Variants in KIF7 observed in about 807,000 individuals in gnomAD.
KIF7 encodes kinesin-like protein KIF7.
KIF7 carries 104 observed loss-of-function variants against 135.7 expected under a neutral mutation model. The ratio of observed to expected loss-of-function variants is 0.77; its 90% CI spans 0.65 to 0.90. The LOEUF (loss-of-function observed/expected upper bound fraction) is 0.90, where lower values mean the gene tolerates loss of function less well. Ranked by LOEUF, KIF7 falls within the 40% of genes least tolerant of loss-of-function variation. The pLI, the probability that KIF7 is intolerant of heterozygous loss-of-function variation, is 0.00. For synonymous variants in KIF7, 883 were observed against 809.4 expected (o/e 1.09, Z -1.54); for missense variants, 2,005 against 1,839.1 (o/e 1.09, Z -1.65).
At chr15:89,654,570 T>A (rs1289242034) in intron 1 of KIF7, among the ~76,000 whole-genome samples, 2 of 152,184 alleles carry the variant, frequency 1.3e-5, no homozygotes, top group African/African-American at 4.8e-5. Flanking sequence ...CACCCGCCCG[T>A]GACCACTCCA....
At chr15:89,625,416 G>C (rs140041349), downstream of KIF7, 81 of 1,613,850 alleles carry the variant, frequency 5.0e-5, no homozygotes, top group Non-Finnish European at 6.6e-5. Flanking sequence ...CTTCCGGGAG[G>C]GGCGAGGTCG....
At chr15:89,630,895 C>T in intron 15 of KIF7, 1 of 356,528 alleles carries the variant, frequency 2.8e-6, no homozygotes, top group East Asian at 7.1e-5. Flanking sequence ...AGAATATACT[C>T]ACACAAACCT....
chr15:89,628,626 C>T lies in KIF7; in HGVS notation c.3825G>A (p.Leu1275=), dbSNP rs1321479938. 6.2e-7 allele frequency: 1 copy of T among 1,613,184 alleles called. No individual in the cohort carries two copies. The highest frequency in any genetic ancestry group is 2.2e-5 in the East Asian group (1 of 44,866). The change falls in exon 19 of 19, where the codon TTG becomes TTA. Residue 1275 remains leucine, a synonymous_variant. Transcript: ENST00000394412. ...TRDLVHAPLP[L]TWKRSSLCGE... ...CACACAGGCTCGAGCGTTTCCAGGT[C>T]AAGGGTAACGGAGCGTGGACCAAGT...
Position 89,632,964 on chromosome 15 carries a change from C to T in KIF7, c.2751G>A (p.Gln917=), listed in dbSNP as rs777302046. 6.7e-7 allele frequency: 1 copy of T among 1,496,366 alleles called. No individual in the cohort carries two copies. Among genetic ancestry groups the T allele is most frequent in the East Asian group, 2.8e-5 (1 of 35,158 alleles). The allele number at this position is 1,496,366 out of a possible 1,614,324, so 92.7% of individuals were successfully genotyped here. The part of the protein sequence containing the change: ...KIEEQKKWLD[Q]EMEKVLQQRR... ...GCTGCTGTAGCACCTTCTCCATCTCCTGGTCCAGCCACTTCTTCTGCTCCT... is the reference window on the plus strand; with the variant it reads ...GCTGCTGTAGCACCTTCTCCATCTCTTGGTCCAGCCACTTCTTCTGCTCCT... The change falls in exon 14 of 19, where the codon CAG becomes CAA. Residue 917 remains glutamine (Q), a synonymous_variant. Coordinates refer to ENST00000394412, the MANE Select transcript of KIF7 (RefSeq NM_198525.3).
chr15:89,644,412 C>T (rs1451089053), intron 10 of KIF7, among the ~76,000 whole-genome samples: 6 of 152,138 alleles, frequency 3.9e-5, no homozygotes, highest in Middle Eastern at 3.4e-3. Flanking sequence ...TGGTGGCTCA[C>T]GCCTGTAATC....
Position 89,632,932 on chromosome 15 carries a change from G to C in KIF7, c.2783C>G (p.Ala928Gly), listed in dbSNP as rs764218371. The C allele has an allele frequency of 1.3e-6, 2 of 1,554,662 alleles. No individual in the cohort carries two copies. Among genetic ancestry groups the C allele is most frequent in the Non-Finnish European group, 1.7e-6 (2 of 1,145,894 alleles). Residue 928 changes from alanine (A) to glycine (G), a missense_variant, in exon 14 of 19, where the codon GCG becomes GGG. Coordinates refer to ENST00000394412, the MANE Select transcript of KIF7 (RefSeq NM_198525.3). ...GAGCTCCTCCCCCAGCTCCTCCAGCGCCCGCCGCTGCTGTAGCACCTTCTC... is the reference window on the plus strand; with the variant it reads ...GAGCTCCTCCCCCAGCTCCTCCAGCCCCCGCCGCTGCTGTAGCACCTTCTC... ...EMEKVLQQRR[A>G]LEELGEELHK...
chr15:89,641,182 A>G (rs948651188), intron 11 of KIF7, among the ~76,000 whole-genome samples: 1 of 152,026 alleles, frequency 6.6e-6, no homozygotes, highest in Non-Finnish European at 1.5e-5. Flanking sequence ...CTAATCCAGT[A>G]TGACCAGGGT....
chr15:89,643,660 G>A (rs1963961013), intron 10 of KIF7, among the ~76,000 whole-genome samples: 1 of 152,226 alleles, frequency 6.6e-6, no homozygotes, highest in Non-Finnish European at 1.5e-5. Flanking sequence ...GCTGAGGTGA[G>A]CGGATCACGA....
Position 89,632,967 on chromosome 15 carries a change from G to C in KIF7, c.2748C>G (p.Asp916Glu), listed in dbSNP as rs746321431. Residue 916 changes from aspartate (D) to glutamate (E), a missense_variant, in exon 14 of 19, where the codon GAC becomes GAG. Transcript: ENST00000394412. ...GCTGTAGCACCTTCTCCATCTCCTG[G>C]TCCAGCCACTTCTTCTGCTCCTCAA... is the stretch of plus-strand genomic sequence containing the variant. ...QKIEEQKKWL[D>E]QEMEKVLQQR... 1 of 1,493,260 alleles carries C rather than the reference G, an allele frequency of 6.7e-7. No homozygotes were observed. Among genetic ancestry groups the C allele is most frequent in the East Asian group, 2.5e-5 (1 of 39,728 alleles). 92.5% of individuals were successfully genotyped at this position (1,493,260 alleles called of 1,614,324 possible).
intron 14 of KIF7, 108 bp from the exon 15 acceptor site, chr15:89,631,818 C>A: frequency 1.1e-6 from 1 of 935,798 alleles, no homozygotes; most frequent in Non-Finnish European, 1.6e-6. Context: ...CTCAAGAAAC[C>A]AACACTCCAA....
chr15:89,648,952 T>TA lies in KIF7; in HGVS notation c.923+21dup, dbSNP rs1567067635. On this transcript the variant is annotated intron_variant, in intron 4 of 18. Coordinates refer to ENST00000394412, the MANE Select transcript of KIF7 (RefSeq NM_198525.3). ...CCGCCTCCCCGGCCCCCAGGCCACA[T>TA]AGGAGCCAGGGGGCAGCTCACCGGG... 8 of 1,518,290 alleles carry TA rather than the reference T, an allele frequency of 5.3e-6. No homozygotes were observed. The South Asian group carries it at 7.4e-5, about 14-fold the overall frequency. The allele number at this position is 1,518,290 out of a possible 1,614,324, so 94.1% of individuals were successfully genotyped here.
rs557879251 is a variant in KIF7, at chr15:89,628,139, C to T, written c.*280G>A. On this transcript the variant is annotated 3_prime_UTR_variant, in exon 19 of 19. Coordinates refer to ENST00000394412, the MANE Select transcript of KIF7 (RefSeq NM_198525.3). ...GAACTACAAGCACATCCATTTACGCCTGAAACCAGAATTGTCCTGAGATTC... is the reference window on the plus strand; with the variant it reads ...GAACTACAAGCACATCCATTTACGCTTGAAACCAGAATTGTCCTGAGATTC... 1 of 402,978 alleles carries T rather than the reference C, an allele frequency of 2.5e-6. No homozygotes were observed. Among genetic ancestry groups the T allele is most frequent in the East Asian group, 3.9e-5 (1 of 25,474 alleles). 25.0% of individuals were successfully genotyped at this position (402,978 alleles called of 1,614,324 possible).
At chr15:89,657,548 T>C (rs1287188046), upstream of KIF7, among the ~76,000 whole-genome samples, 6 of 152,218 alleles carry the variant, frequency 3.9e-5, no homozygotes, top group South Asian at 8.3e-4. Context: ...CAATCTGGTG[T>C]GTACCCGAGT....
chr15:89,635,308 C>T (rs902743569), intron 11 of KIF7, among the ~76,000 whole-genome samples: 8 of 152,178 alleles, frequency 5.3e-5, no homozygotes, highest in Admixed American at 1.3e-4. Flanking sequence ...TCACCAGCAA[C>T]GGAACAAAGC....
At chr15:89,627,702 G>A (rs3743371), downstream of KIF7, 40,404 of 153,000 alleles carry the variant, frequency 0.26, 6,072 homozygotes, top group South Asian at 0.37. Context: ...GACTGTCCAA[G>A]AGCCAGCCAG....
chr15:89,625,077 C>T (rs1963494617), downstream of KIF7: 1 of 1,613,850 alleles, frequency 6.2e-7, no homozygotes, highest in African/African-American at 1.3e-5. Flanking sequence ...CTGAGCCCCT[C>T]AGCAAGGAGG....
At chr15:89,621,366 A>G in intron 1 of KIF7, 1 of 1,585,784 alleles carries the variant, frequency 6.3e-7, no homozygotes, top group Non-Finnish European at 8.5e-7. Flanking sequence ...GAAAGAATTA[A>G]ATATTGTTGC....
At chr15:89,637,884 C>T (rs540510773) in intron 11 of KIF7, among the ~76,000 whole-genome samples, 1 of 122,200 alleles carries the variant, frequency 8.2e-6, no homozygotes, top group Non-Finnish European at 1.8e-5. Context: ...GAATTTTAGA[C>T]CAATATCCTT....
At position 89,633,751 on chromosome 15, in the gene KIF7, G is replaced by A. The variant is rs374366786; in HGVS notation, c.2527C>T (p.Arg843Cys). 1.2e-4 allele frequency: 193 copies of A among 1,609,726 alleles called. No individual in the cohort carries two copies. The highest frequency in any genetic ancestry group is 1.5e-4 in the Non-Finnish European group (178 of 1,179,928). The change falls in exon 12 of 19, where the codon CGC (arginine) becomes TGC (cysteine). Residue 843 changes from arginine (R) to cysteine (C), a missense_variant. Arg to Cys is a radical substitution (Grantham distance 180). Coordinates refer to ENST00000394412, the MANE Select transcript of KIF7 (RefSeq NM_198525.3). ...QQQGQLQRRLREETEQKRRLE... is the reference protein window; with the variant it reads ...QQQGQLQRRLCEETEQKRRLE... ...CGCCGCTTCTGCTCCGTCTCCTCGC[G>A]AAGCCGCCTCTGCAGCTGTCCCTGC...
Sources: gnomAD v4.1 joint callset for allele counts (sites outside exome capture counted in the v4.1 genomes callset) on GRCh38, gnomAD v4.1.1 for gene constraint, MANE v1.5 for transcripts, NCBI Gene and HGNC (gene_info 2026-07-23, HGNC 2026-07-21) for gene names.